APMAP: variants seen among roughly 807,000 people sequenced by gnomAD.
The protein encoded by APMAP is adipocyte plasma membrane associated protein.
A neutral mutation model predicts 43.6 loss-of-function variants in APMAP; 33 were observed. That is an observed-to-expected ratio of 0.76 (90% CI 0.57 to 1.01). The LOEUF (loss-of-function observed/expected upper bound fraction) is 1.01, where lower values mean the gene tolerates loss of function less well. Among genes scored for constraint, APMAP ranks in the 50% least tolerant of loss-of-function variants. APMAP has a pLI of 0.00. For synonymous variants in APMAP, 224 were observed against 216.7 expected, an observed-to-expected ratio of 1.03 and a Z score of -0.30; for missense variants, 498 against 540.7, an observed-to-expected ratio of 0.92 and a Z score of 0.78.
At chr20:24,984,275 T>G (rs1301134100) in intron 1 of APMAP, among the ~76,000 whole-genome samples, 1 of 152,184 alleles carries the variant, frequency 6.6e-6, no homozygotes, top group African/African-American at 2.4e-5. Flanking sequence ...TTTCCAGATC[T>G]TGAATCCTCC....
chr20:24,975,242 T>C (rs1319774722), intron 3 of APMAP, among the ~76,000 whole-genome samples: 2 of 152,194 alleles, frequency 1.3e-5, no homozygotes, highest in Admixed American at 6.5e-5. Context: ...TAAAACTTTC[T>C]TTGTTTGCAA....
At chr20:24,989,275 T>C (rs754322671) in intron 1 of APMAP, among the ~76,000 whole-genome samples, 1 of 152,132 alleles carries the variant, frequency 6.6e-6, no homozygotes, top group African/African-American at 2.4e-5. Context: ...CGGAAGAGCC[T>C]GGAGGGATGC....
chr20:24,974,352 G>C (rs1600284151), intron 3 of APMAP: 2 of 148,368 alleles, frequency 1.3e-5, no homozygotes, highest in African/African-American at 4.9e-5. Context: ...GATATGCTAA[G>C]AAAGGAGAGA....
chr20:24,971,193 A>G (rs1016947252), intron 5 of APMAP, among the ~76,000 whole-genome samples: 1 of 152,234 alleles, frequency 6.6e-6, no homozygotes, highest in Non-Finnish European at 1.5e-5. Context: ...AACTTCCTCA[A>G]AATAAGTCCT....
intron 7 of APMAP, 102 bp from the exon 8 acceptor site, chr20:24,969,186 G>C: frequency 8.4e-7 from 1 of 1,184,724 alleles, no homozygotes; most frequent in Non-Finnish European, 1.2e-6. Flanking sequence ...TATATATATG[G>C]AAAGTGCTCT....
intron 2 of APMAP, among the ~76,000 whole-genome samples, chr20:24,981,450 C>T (rs1296423796): frequency 6.6e-6 from 1 of 152,196 alleles, no homozygotes; most frequent in Non-Finnish European, 1.5e-5. Context: ...CTTCTGAGAA[C>T]CAGCTCTCTG....
rs1015938806 is a variant in APMAP, at chr20:24,969,561, G to A, written c.813C>T (p.Val271=). 3 of 1,613,836 alleles carry A rather than the reference G, an allele frequency of 1.9e-6. No individual in the cohort carries two copies. Among genetic ancestry groups the A allele is most frequent in the African/African-American group, 2.7e-5 (2 of 75,020 alleles). The change falls in exon 7 of 9, where the codon GTC becomes GTT. Residue 271 remains valine (V), a synonymous_variant. Coordinates refer to ENST00000217456, the MANE Select transcript of APMAP (RefSeq NM_020531.3). Reference sequence around the variant, plus strand: ...TGGCCATGGTTGTTTCTGCCACCAGGACAAAGTCTTCTGCAGGAGACAGCT... The same window carrying A: ...TGGCCATGGTTGTTTCTGCCACCAGAACAAAGTCTTCTGCAGGAGACAGCT... ...GVQLSPAEDF[V]LVAETTMARI...
At chr20:24,966,553 G>A (rs753242548) in intron 8 of APMAP, among the ~76,000 whole-genome samples, 3 of 152,182 alleles carry the variant, frequency 2.0e-5, no homozygotes, top group African/African-American at 4.8e-5. Context: ...TGCTGCCAAC[G>A]ATGCGAGAGC....
At chr20:24,977,186 T>C (rs1177419648) in intron 3 of APMAP, among the ~76,000 whole-genome samples, 9 of 152,252 alleles carry the variant, frequency 5.9e-5, no homozygotes, top group Non-Finnish European at 1.5e-5. Flanking sequence ...CCGAGTACTA[T>C]TGACGTATTG....
intron 4 of APMAP, among the ~76,000 whole-genome samples, chr20:24,972,703 G>A (rs1265520571): frequency 6.7e-6 from 1 of 149,228 alleles, no homozygotes; most frequent in Non-Finnish European, 1.5e-5. Flanking sequence ...ACCACTGCAG[G>A]TGTTCACTAT....
chr20:24,969,415 G>C, intron 7 of APMAP, 111 bp downstream of exon 7: 1 of 1,450,058 alleles, frequency 6.9e-7, no homozygotes, highest in Non-Finnish European at 9.3e-7. Flanking sequence ...ATGCCATGCA[G>C]AAGGTGCGCT....
intron 1 of APMAP, among the ~76,000 whole-genome samples, chr20:24,985,925 T>C (rs2088143357): frequency 6.6e-6 from 1 of 152,132 alleles, no homozygotes; most frequent in African/African-American, 2.4e-5. Context: ...GAGCATGGGA[T>C]TGGAAACTGG....
chr20:24,968,818 A>T, intron 8 of APMAP, 74 bp downstream of exon 8: 1 of 1,409,318 alleles, frequency 7.1e-7, no homozygotes, highest in South Asian at 1.4e-5. Context: ...TAGATTTTTA[A>T]GCTATAAGGG....
Position 24,963,937 on chromosome 20 carries a change from C to T in APMAP, c.1127G>A (p.Ser376Asn). The change falls in exon 9 of 9, where the codon AGC (serine) becomes AAC (asparagine). Residue 376 changes from serine to asparagine, a missense_variant. Coordinates refer to ENST00000217456, the MANE Select transcript of APMAP (RefSeq NM_020531.3). The stretch of plus-strand genomic sequence containing the variant: ...CACCAGCCCATCGGGATCATGCAGG[C>T]TTCTCCGGAAGGCACCGCTGTCGCT... The part of the protein sequence containing the change: ...ELSDSGAFRR[S>N]LHDPDGLVAT... The T allele has an allele frequency of 6.2e-7, 1 of 1,614,248 alleles. No homozygotes were observed. The highest frequency in any genetic ancestry group is 1.3e-5 in the African/African-American group (1 of 75,058).
At chr20:24,977,465 T>C (rs779894773) in intron 3 of APMAP, among the ~76,000 whole-genome samples, 1 of 152,188 alleles carries the variant, frequency 6.6e-6, no homozygotes, top group Non-Finnish European at 1.5e-5. Context: ...TCCCCAGAGC[T>C]AGTACCTCCT....
chr20:24,975,973 T>A (rs1026490835), intron 3 of APMAP, among the ~76,000 whole-genome samples: 5 of 152,200 alleles, frequency 3.3e-5, no homozygotes, highest in African/African-American at 9.7e-5. Flanking sequence ...CAAATTTGTT[T>A]GCATCCACAT....
chr20:24,977,764 G>C (rs2088062910), intron 3 of APMAP, among the ~76,000 whole-genome samples: 1 of 152,202 alleles, frequency 6.6e-6, no homozygotes, highest in Non-Finnish European at 1.5e-5. Context: ...TAAAGAGCAA[G>C]ATTTGATTTT....
chr20:24,971,802 A>C (rs900004554), intron 4 of APMAP, among the ~76,000 whole-genome samples: 18 of 150,714 alleles, frequency 1.2e-4, no homozygotes, highest in African/African-American at 4.4e-4. Flanking sequence ...GTAGGTGCTT[A>C]CTGCAGGGTG....
At chr20:24,988,123 C>T (rs2088163662) in intron 1 of APMAP, among the ~76,000 whole-genome samples, 1 of 152,248 alleles carries the variant, frequency 6.6e-6, no homozygotes. Flanking sequence ...TCACCCACCC[C>T]ACTCCCAGGA....
Sources: allele counts gnomAD v4.1 joint callset (sites outside exome capture counted in the v4.1 genomes callset), GRCh38; gene constraint gnomAD v4.1.1; transcripts MANE v1.5; gene names NCBI Gene and HGNC (gene_info 2026-07-23, HGNC 2026-07-21).